Variants in CNOT10 observed in about 807,000 individuals in gnomAD.
The protein encoded by CNOT10 is CCR4-NOT transcription complex, subunit 10.
CNOT10 carries 30 observed loss-of-function variants against 94.6 expected under a neutral mutation model. The ratio of observed to expected loss-of-function variants is 0.32; its 90% CI spans 0.24 to 0.43. The LOEUF is 0.43. CNOT10 is among the 20% of genes least tolerant of loss of function. CNOT10 has a pLI of 1.00. For missense variants in CNOT10, 759 were observed against 877.2 expected (o/e 0.87, Z 1.70); for synonymous variants, 289 against 301.6 (o/e 0.96, Z 0.43).
At chr3:32,701,851 G>C (rs1244103915) in intron 1 of CNOT10, among the ~76,000 whole-genome samples, 4 of 152,168 alleles carry the variant, frequency 2.6e-5, no homozygotes, top group Non-Finnish European at 5.9e-5. Context: ...AGAGTGCAGT[G>C]GTGCAATCTC....
intron 12 of CNOT10, 67 bp downstream of exon 12, chr3:32,735,043 C>A: frequency 7.5e-7 from 1 of 1,327,790 alleles, no homozygotes. Flanking sequence ...ACCCTTTGTT[C>A]TTTAAGTAAA....
At chr3:32,702,175 A>T (rs531849595) in intron 1 of CNOT10, among the ~76,000 whole-genome samples, 38 of 149,762 alleles carry the variant, frequency 2.5e-4, no homozygotes, top group Middle Eastern at 3.4e-3. Flanking sequence ...AGCTCACTGC[A>T]ACCTCTGCCT....
chr3:32,703,791 A>C, intron 1 of CNOT10, 77 bp from the exon 2 acceptor site: 1 of 970,148 alleles, frequency 1.0e-6, no homozygotes, highest in South Asian at 1.4e-5. Flanking sequence ...CTGAAACTGC[A>C]GAAAGTGAAA....
intron 5 of CNOT10, 144 bp from the exon 6 acceptor site, chr3:32,716,081 A>G (rs1698105149): frequency 4.2e-6 from 2 of 480,864 alleles, no homozygotes; most frequent in Non-Finnish European, 7.5e-6. Context: ...TTCTGGGATT[A>G]CAGGCATGAA....
Position 32,685,433 on chromosome 3 carries a change from A to C in CNOT10, c.-28A>C. On this transcript the variant is annotated 5_prime_UTR_variant, in exon 1 of 19. Transcript: ENST00000328834. ...CGGGAGTCAGGGCCACGCCACCTGC[A>C]GGGAAGAACCCGAGTCGAAGCGGGA... 6.5e-7 allele frequency: 1 copy of C among 1,550,176 alleles called. No individual in the cohort carries two copies. The highest frequency in any genetic ancestry group is 1.7e-4 in the Middle Eastern group (1 of 5,988).
intron 1 of CNOT10, among the ~76,000 whole-genome samples, chr3:32,689,688 C>A (rs554128545): frequency 6.6e-6 from 1 of 152,138 alleles, no homozygotes; most frequent in Non-Finnish European, 1.5e-5. Context: ...TAATTTAAGG[C>A]TGGGCATAGA....
chr3:32,729,861 C>T (rs1698859329), intron 10 of CNOT10, among the ~76,000 whole-genome samples: 1 of 144,882 alleles, frequency 6.9e-6, no homozygotes, highest in Non-Finnish European at 1.5e-5. Flanking sequence ...CTCCGCCTCC[C>T]GGGTTCACGC....
At chr3:32,772,574 G>T (rs1439930843) in intron 18 of CNOT10, among the ~76,000 whole-genome samples, 4 of 152,022 alleles carry the variant, frequency 2.6e-5, no homozygotes, top group Non-Finnish European at 1.5e-5. Flanking sequence ...GCTCATGCCC[G>T]TAATCCCAGC....
At chr3:32,685,580 G>A (rs959199775) in intron 1 of CNOT10, 98 bp downstream of exon 1, 4 of 1,368,488 alleles carry the variant, frequency 2.9e-6, no homozygotes, top group African/African-American at 2.9e-5. Flanking sequence ...GGGACTCCAG[G>A]GCGACTTGAA....
At chr3:32,750,779 T>C (rs1291787690) in intron 13 of CNOT10, among the ~76,000 whole-genome samples, 1 of 152,094 alleles carries the variant, frequency 6.6e-6, no homozygotes, top group Non-Finnish European at 1.5e-5. Context: ...CTCGAACTCC[T>C]GACCTCGTGA....
chr3:32,737,548 G>A, intron 13 of CNOT10, 58 bp downstream of exon 13: 1 of 1,136,892 alleles, frequency 8.8e-7, no homozygotes, highest in Non-Finnish European at 1.3e-6. Flanking sequence ...TTCATGGCTG[G>A]GCACAGTGGC....
intron 9 of CNOT10, 53 bp from the exon 10 acceptor site, chr3:32,727,615 G>A: frequency 8.6e-7 from 1 of 1,166,398 alleles, no homozygotes; most frequent in East Asian, 2.4e-5. Flanking sequence ...TGTTTTCAAG[G>A]TTACTATTAC....
At chr3:32,720,886 C>CCTCCTTCCTTCT in intron 8 of CNOT10, among the ~76,000 whole-genome samples, 1 of 110,106 alleles carries the variant, frequency 9.1e-6, no homozygotes. Flanking sequence ...CTTTCTTTTC[C>CCTCCTTCCTTCT]TTCTTTTCCT....
chr3:32,693,465 G>A (rs1352470042), intron 1 of CNOT10: 1 of 151,880 alleles, frequency 6.6e-6, no homozygotes, highest in Non-Finnish European at 1.5e-5. Flanking sequence ...CAAGCCTCCT[G>A]CCTTGACTGC....
chr3:32,762,434 T>C (rs958454999), intron 14 of CNOT10, among the ~76,000 whole-genome samples: 2 of 151,892 alleles, frequency 1.3e-5, no homozygotes, highest in Admixed American at 6.6e-5. Flanking sequence ...CACGCCCAGC[T>C]AATTTTTGTA....
At chr3:32,755,882 A>G (rs530876873) in intron 13 of CNOT10, among the ~76,000 whole-genome samples, 30 of 152,122 alleles carry the variant, frequency 2.0e-4, no homozygotes, top group African/African-American at 5.1e-4. Context: ...ACAGGGGGGA[A>G]AAGCTAGTGT....
At position 32,733,472 on chromosome 3, in the gene CNOT10, A is replaced by C; in HGVS notation, c.1265A>C (p.Gln422Pro). Residue 422 changes from glutamine (Q) to proline (P), a missense_variant, in exon 11 of 19, where the codon CAG (glutamine) becomes CCG (proline). Gln to Pro is a moderately conservative substitution (Grantham distance 76). Around this residue, in one of 3 missense-constraint regions of CNOT10, gnomAD observed 682 missense variants for 799.4 expected, o/e 0.85. Coordinates refer to ENST00000328834, the MANE Select transcript of CNOT10 (RefSeq NM_015442.3). Reference protein sequence around the residue: ...KGLPSKKGIVQSIVGQGYHRK... With the variant: ...KGLPSKKGIVPSIVGQGYHRK... ...CTTCCCAGCAAAAAAGGAATTGTAC[A>C]GTCTATTGTTGGTCAAGGCTATCAT... 6.2e-7 allele frequency: 1 copy of C among 1,602,952 alleles called. No individual in the cohort carries two copies. The highest frequency in any genetic ancestry group is 8.5e-7 in the Non-Finnish European group (1 of 1,171,682).
intron 14 of CNOT10, among the ~76,000 whole-genome samples, chr3:32,761,527 G>A (rs967673937): frequency 2.0e-5 from 3 of 151,892 alleles, no homozygotes; most frequent in East Asian, 3.9e-4. Flanking sequence ...CGAGTAGCTG[G>A]GATTACAGGA....
chr3:32,722,740 T>C lies in CNOT10; in HGVS notation c.862+2509T>C, dbSNP rs547159772. On this transcript the variant is annotated intron_variant, in intron 8 of 18. Coordinates refer to ENST00000328834, the MANE Select transcript of CNOT10 (RefSeq NM_015442.3). ...CACACCTATAATCAATCCCAGCACA[T>C]TGGGAGACTGAGGCCGACGGATCAC... Among the ~76,000 whole-genome samples the C allele has an allele frequency of 1.2e-4, 17 of 147,800 alleles. 1 individual carries two copies. The East Asian group carries it at 3.5e-3, about 31-fold the overall frequency.
Sources: allele counts gnomAD v4.1 joint callset (sites outside exome capture counted in the v4.1 genomes callset), GRCh38; gene constraint gnomAD v4.1.1; regional missense constraint gnomAD v4.1.1; transcripts MANE v1.5; gene names NCBI Gene and HGNC (gene_info 2026-07-23, HGNC 2026-07-21).